The following PDCD6IP variants were observed in gnomAD, a reference collection of about 807,000 sequenced individuals.
The protein encoded by PDCD6IP is programmed cell death 6 interacting protein, also known as programmed cell death 6-interacting protein.
In PDCD6IP, 43 loss-of-function variants were observed where a neutral mutation model predicts 103.7. That is an observed-to-expected ratio of 0.41 (90% CI 0.32 to 0.53). PDCD6IP has a LOEUF of 0.53. Ranked by LOEUF, PDCD6IP falls within the 20% of genes least tolerant of loss-of-function variation. PDCD6IP has a pLI of 0.16. For synonymous variants in PDCD6IP, 354 were observed against 378.7 expected (o/e 0.93, Z 0.76); for missense variants, 871 against 1,036.7 (o/e 0.84, Z 2.20).
chr3:33,857,854 G>A (rs1010152840), intron 15 of PDCD6IP, among the ~76,000 whole-genome samples: 3 of 152,254 alleles, frequency 2.0e-5, no homozygotes, highest in East Asian at 3.9e-4. Context: ...TAATGGAGAA[G>A]CACTATAAAC....
intron 15 of PDCD6IP, among the ~76,000 whole-genome samples, chr3:33,858,734 C>CG (rs1234028402): frequency 6.6e-6 from 1 of 151,728 alleles, no homozygotes; most frequent in Non-Finnish European, 1.5e-5. Flanking sequence ...GGCGTGAACC[C>CG]GGGAGGCGGA....
intron 1 of PDCD6IP, among the ~76,000 whole-genome samples, chr3:33,810,677 T>C (rs1180837354): frequency 6.6e-6 from 1 of 152,160 alleles, no homozygotes; most frequent in Non-Finnish European, 1.5e-5. Flanking sequence ...TGTGGTGACA[T>C]GCACCTGTAG....
At chr3:33,858,808 T>TCAAAAA (rs1201335438) in intron 15 of PDCD6IP, among the ~76,000 whole-genome samples, 4 of 152,244 alleles carry the variant, frequency 2.6e-5, no homozygotes, top group Non-Finnish European at 5.9e-5. Context: ...AGACTCTGTC[T>TCAAAAA]CAAAAACAAA....
At chr3:33,818,710 G>T in intron 3 of PDCD6IP, among the ~76,000 whole-genome samples, 1 of 151,604 alleles carries the variant, frequency 6.6e-6, no homozygotes, top group East Asian at 1.9e-4. Context: ...ATAGAGACAG[G>T]GTTTCACCAT....
At chr3:33,865,515 C>T (rs1575951389) in intron 17 of PDCD6IP, 85 bp downstream of exon 17, 1 of 1,098,908 alleles carries the variant, frequency 9.1e-7, no homozygotes, top group Admixed American at 3.4e-5. Flanking sequence ...GTCATCCCTT[C>T]TCCAAATGGA....
intron 3 of PDCD6IP, among the ~76,000 whole-genome samples, chr3:33,815,687 G>A (rs934069422): frequency 3.9e-5 from 6 of 152,196 alleles, no homozygotes; most frequent in Non-Finnish European, 7.4e-5. Context: ...AGAAGGAAGA[G>A]TAAGAGTTGA....
chr3:33,855,237 G>A lies in PDCD6IP; in HGVS notation c.2097G>A (p.Lys699=), dbSNP rs1282468455. 1.2e-6 allele frequency: 2 copies of A among 1,603,472 alleles called. No individual in the cohort carries two copies. Among genetic ancestry groups the A allele is most frequent in the Non-Finnish European group, 1.7e-6 (2 of 1,170,560 alleles). The change falls in exon 15 of 18, where the codon AAG becomes AAA. Residue 699 remains lysine (K), a synonymous_variant. Transcript: ENST00000307296. ...NKCSDIVFAR[K]TERDELLKDL... ...GCAGTGATATAGTTTTTGCACGGAA[G>A]ACAGAAAGAGATGAACTCTTAAAGT...
At chr3:33,811,221 G>A (rs542544256) in intron 1 of PDCD6IP, 1 of 205,674 alleles carries the variant, frequency 4.9e-6, no homozygotes, top group East Asian at 1.7e-4. Flanking sequence ...TGGGAAACTT[G>A]GCTTCCATTA....
At chr3:33,839,774 G>C (rs1575929415) in intron 9 of PDCD6IP, among the ~76,000 whole-genome samples, 1 of 152,152 alleles carries the variant, frequency 6.6e-6, no homozygotes, top group African/African-American at 2.4e-5. Flanking sequence ...TGGTATGTCA[G>C]TCTTTTTAGT....
chr3:33,832,787 A>G (rs751461272), intron 7 of PDCD6IP, among the ~76,000 whole-genome samples: 4 of 152,054 alleles, frequency 2.6e-5, no homozygotes, highest in Non-Finnish European at 5.9e-5. Context: ...GATAGGTATT[A>G]TCTCTCATTT....
At chr3:33,834,938 A>G (rs952265230) in intron 7 of PDCD6IP, among the ~76,000 whole-genome samples, 4 of 152,140 alleles carry the variant, frequency 2.6e-5, no homozygotes, top group African/African-American at 9.7e-5. Context: ...CATTGCTGAG[A>G]CAGATATGTT....
At chr3:33,822,769 T>C (rs138124022) in intron 4 of PDCD6IP, among the ~76,000 whole-genome samples, 2,328 of 152,186 alleles carry the variant, frequency 0.015, 25 homozygotes, top group South Asian at 0.026. Context: ...CATTCTCCTG[T>C]CTCAGCCTCC....
At chr3:33,840,991 A>G (rs534150046) in intron 9 of PDCD6IP, among the ~76,000 whole-genome samples, 1 of 151,216 alleles carries the variant, frequency 6.6e-6, no homozygotes, top group East Asian at 1.9e-4. Flanking sequence ...TACCTAATAT[A>G]TTTTAATGCG....
chr3:33,826,793 A>G (rs1260928737), intron 6 of PDCD6IP: 10 of 1,310,880 alleles, frequency 7.6e-6, no homozygotes, highest in Non-Finnish European at 9.7e-6. Context: ...TTTACCTTTT[A>G]CTAAACTTGT....
intron 1 of PDCD6IP, among the ~76,000 whole-genome samples, chr3:33,810,458 G>A (rs1298369272): frequency 6.6e-6 from 1 of 152,126 alleles, no homozygotes; most frequent in Non-Finnish European, 1.5e-5. Flanking sequence ...TTCAGTCTCA[G>A]CCCTTGAGTC....
intron 13 of PDCD6IP, among the ~76,000 whole-genome samples, 188 bp downstream of exon 13, chr3:33,852,924 T>G: frequency 8.1e-6 from 1 of 123,660 alleles, no homozygotes; most frequent in Non-Finnish European, 1.8e-5. Context: ...CAAAGTCACT[T>G]CTTTTTTTTT....
chr3:33,820,531 T>C (rs1384858560), intron 3 of PDCD6IP, among the ~76,000 whole-genome samples: 1 of 152,164 alleles, frequency 6.6e-6, no homozygotes, highest in East Asian at 1.9e-4. Flanking sequence ...CTAGCAAATC[T>C]GAAATATTGT....
chr3:33,845,049 T>TG (rs1409846672), intron 11 of PDCD6IP, among the ~76,000 whole-genome samples: 1 of 152,110 alleles, frequency 6.6e-6, no homozygotes, highest in East Asian at 1.9e-4. Context: ...TTTTTTTTTT[T>TG]TAAGTCACAT....
chr3:33,805,766 A>T (rs1287528079), intron 1 of PDCD6IP, among the ~76,000 whole-genome samples: 4 of 144,166 alleles, frequency 2.8e-5, no homozygotes, highest in Admixed American at 7.1e-5. Context: ...GTTTTTTGAG[A>T]TGGAGTCTCA....
Sources: allele counts gnomAD v4.1 joint callset (sites outside exome capture counted in the v4.1 genomes callset), GRCh38; gene constraint gnomAD v4.1.1; transcripts MANE v1.5; gene names NCBI Gene and HGNC (gene_info 2026-07-23, HGNC 2026-07-21).